LANCL1: variants seen among roughly 807,000 people sequenced by gnomAD.
LANCL1 encodes the protein LanC like glutathione S-transferase 1, also known as glutathione S-transferase LANCL1.
Under a neutral mutation model 50.6 loss-of-function variants are expected in LANCL1, and 50 were observed. That is an observed-to-expected ratio of 0.99 (90% CI 0.79 to 1.25). The LOEUF (loss-of-function observed/expected upper bound fraction) is 1.25, where lower values mean the gene tolerates loss of function less well. Ranked by LOEUF, LANCL1 falls within the 50% of genes most tolerant of loss-of-function variation. LANCL1 has a pLI of 0.00. For missense variants in LANCL1, 532 were observed against 480.7 expected (o/e 1.11, Z -1.00); for synonymous variants, 188 against 178.6 (o/e 1.05, Z -0.42).
chr2:210,436,502 G>T, intron 7 of LANCL1, 110 bp from the exon 8 acceptor site: 1 of 1,027,336 alleles, frequency 9.7e-7, no homozygotes, highest in Non-Finnish European at 1.5e-6. Flanking sequence ...GCAAGAAAGG[G>T]TAAAGGATTT....
In LANCL1 at chr2:210,436,290, C is replaced by T. The variant is rs527628449; in HGVS notation, c.976G>A (p.Ala326Thr). The T allele has an allele frequency of 2.5e-6, 4 of 1,613,980 alleles. No homozygotes were observed. In the African/African-American group the frequency reaches 4.0e-5, roughly 16 times the overall value. Residue 326 changes from alanine (A) to threonine (T), a missense_variant, in exon 8 of 10, where the codon GCA becomes ACA. Ala to Thr is a moderately conservative substitution (Grantham distance 58). Transcript: ENST00000450366. ...GTCAGGAAGGCATAGGCATTCCCTG[C>T]AGAACCGTGGCACAGCCCATATCCC... is the stretch of plus-strand genomic sequence containing the variant. ...KKGYGLCHGS[A>T]GNAYAFLTLY...
At chr2:210,468,023 T>C (rs1694120411) in intron 3 of LANCL1, 1 of 152,176 alleles carries the variant, frequency 6.6e-6, no homozygotes, top group Admixed American at 6.5e-5. Flanking sequence ...AGTAACTGTT[T>C]AATAAAGCTA....
At chr2:210,436,003 G>C (rs554977891) in intron 8 of LANCL1, among the ~76,000 whole-genome samples, 1 of 144,664 alleles carries the variant, frequency 6.9e-6, no homozygotes, top group East Asian at 2.2e-4. Flanking sequence ...CCGGGTTCAA[G>C]TGATTCTTGT....
chr2:210,456,245 A>G (rs1247521703), intron 3 of LANCL1, among the ~76,000 whole-genome samples: 2 of 152,186 alleles, frequency 1.3e-5, no homozygotes, highest in Non-Finnish European at 2.9e-5. Flanking sequence ...TTTTTAGAAG[A>G]CACAGAACCT....
Position 210,437,714 on chromosome 2 carries a change from GATTACC to G in LANCL1, c.843_848del (p.Val282_Ile283del). ...CCTTATAGGCCTGGATGAGCATGTA[GATTACC>G]CCAGGGGCGCCATGGCACCAATGGA... is the stretch of plus-strand genomic sequence containing the variant. On this transcript the variant is annotated inframe_deletion, in exon 7 of 10. Transcript: ENST00000450366. The G allele has an allele frequency of 6.2e-7, 1 of 1,606,660 alleles. No individual in the cohort carries two copies. Among genetic ancestry groups the G allele is most frequent in the Non-Finnish European group, 8.5e-7 (1 of 1,176,848 alleles).
chr2:210,470,531 A>T (rs369761226), intron 3 of LANCL1, among the ~76,000 whole-genome samples: 96 of 152,310 alleles, frequency 6.3e-4, no homozygotes, highest in African/African-American at 2.3e-3. Context: ...GCTTATATTT[A>T]CCAGTTGAGT....
At chr2:210,473,330 G>T (rs1368326396) in intron 2 of LANCL1, among the ~76,000 whole-genome samples, 1 of 152,096 alleles carries the variant, frequency 6.6e-6, no homozygotes, top group Admixed American at 6.6e-5. Context: ...AGCCGAGATC[G>T]TGCCACTGCA....
At chr2:210,441,115 C>G (rs950231072) in intron 5 of LANCL1, among the ~76,000 whole-genome samples, 193 bp downstream of exon 5, 1 of 152,162 alleles carries the variant, frequency 6.6e-6, no homozygotes, top group African/African-American at 2.4e-5. Context: ...CCTTCGGACT[C>G]TTGAGACAGA....
At chr2:210,468,414 G>A (rs922307980) in intron 3 of LANCL1, 4 of 151,974 alleles carry the variant, frequency 2.6e-5, no homozygotes, top group Admixed American at 2.0e-4. Flanking sequence ...TAGAAGTCAA[G>A]AAAAAAATCA....
At chr2:210,435,780 T>C (rs903591272) in intron 8 of LANCL1, among the ~76,000 whole-genome samples, 11 of 152,166 alleles carry the variant, frequency 7.2e-5, no homozygotes, top group African/African-American at 2.7e-4. Flanking sequence ...TTGAAAGGCT[T>C]TTCAAGGTTT....
intron 3 of LANCL1, among the ~76,000 whole-genome samples, chr2:210,464,761 T>A (rs1381288578): frequency 2.0e-5 from 3 of 150,072 alleles, no homozygotes; most frequent in Non-Finnish European, 4.4e-5. Flanking sequence ...GGTCAGGAGA[T>A]CGAGACCATT....
At chr2:210,441,536 C>A in intron 4 of LANCL1, 93 bp from the exon 5 acceptor site, 2 of 981,244 alleles carry the variant, frequency 2.0e-6, no homozygotes, top group Non-Finnish European at 3.1e-6. Flanking sequence ...TATACATGCA[C>A]ACAAAATATG....
At chr2:210,461,045 C>T (rs925275911) in intron 3 of LANCL1, among the ~76,000 whole-genome samples, 3 of 152,080 alleles carry the variant, frequency 2.0e-5, no homozygotes, top group African/African-American at 4.8e-5. Flanking sequence ...TAAGTGTTGA[C>T]GTTACTGGAA....
Position 210,436,137 on chromosome 2 carries a change from T to C in LANCL1, c.1050+79A>G, listed in dbSNP as rs1427049928. ...AACTCCTGACCTCAGGTGATCCGCCTGCCTCAGCCTCCCAAAGTGCTGAGA... is the reference window on the plus strand; with the variant it reads ...AACTCCTGACCTCAGGTGATCCGCCCGCCTCAGCCTCCCAAAGTGCTGAGA... On this transcript the variant is annotated intron_variant, in intron 8 of 9. Coordinates refer to ENST00000450366, the MANE Select transcript of LANCL1 (RefSeq NM_006055.3). 2.4e-6 allele frequency: 3 copies of C among 1,274,822 alleles called. No homozygotes were observed. The Admixed American group carries it at 5.6e-5, about 24-fold the overall frequency. The allele number at this position is 1,274,822 out of a possible 1,614,324, so 79.0% of individuals were successfully genotyped here.
chr2:210,440,458 G>C, intron 6 of LANCL1, 140 bp downstream of exon 6: 1 of 772,124 alleles, frequency 1.3e-6, no homozygotes. Context: ...TGTTTGTCTA[G>C]GACAAGTAAT....
intron 3 of LANCL1, chr2:210,471,672 T>A (rs761795520): frequency 1.8e-6 from 1 of 570,432 alleles, no homozygotes; most frequent in East Asian, 4.2e-5. Flanking sequence ...AAATTAACTA[T>A]GTAATATTGA....
intron 3 of LANCL1, among the ~76,000 whole-genome samples, chr2:210,465,926 G>A (rs1290632444): frequency 2.6e-5 from 4 of 152,152 alleles, no homozygotes; most frequent in Admixed American, 2.6e-4. Context: ...AAGGCAAGAA[G>A]GAACAGACTA....
At chr2:210,470,417 C>T (rs1024305744) in intron 3 of LANCL1, among the ~76,000 whole-genome samples, 1 of 152,032 alleles carries the variant, frequency 6.6e-6, no homozygotes, top group East Asian at 1.9e-4. Flanking sequence ...GTCTTCCCTA[C>T]CCTTGTTTAA....
intron 4 of LANCL1, among the ~76,000 whole-genome samples, chr2:210,448,780 A>C (rs1693425107): frequency 6.6e-6 from 1 of 152,198 alleles, no homozygotes; most frequent in African/African-American, 2.4e-5. Context: ...TCCTTGACAC[A>C]TACACCCTCC....
Sources: gnomAD v4.1 joint callset for allele counts (sites outside exome capture counted in the v4.1 genomes callset) on GRCh38, gnomAD v4.1.1 for gene constraint, MANE v1.5 for transcripts, NCBI Gene and HGNC (gene_info 2026-07-23, HGNC 2026-07-21) for gene names.